Variants in WDR59 observed in about 807,000 individuals in gnomAD.
The protein encoded by WDR59 is GATOR2 complex protein WDR59.
In WDR59, 100 loss-of-function variants were observed where a neutral mutation model predicts 131.2. The observed-to-expected ratio is 0.76, with a 90% CI of 0.65 to 0.90. WDR59 has a LOEUF of 0.90. WDR59 is among the 40% of genes least tolerant of loss of function. The pLI is 0.00. For missense variants in WDR59, 1,203 were observed against 1,262.2 expected (o/e 0.95, Z 0.71); for synonymous variants, 601 against 466.2 (o/e 1.29, Z -3.72).
intron 17 of WDR59, among the ~76,000 whole-genome samples, chr16:74,906,541 G>C (rs1028735195): frequency 2.6e-5 from 4 of 152,008 alleles, no homozygotes; most frequent in African/African-American, 9.7e-5. Context: ...CTCAGGTGCA[G>C]AAATTAATAT....
chr16:74,897,964 G>A (rs72798622), intron 18 of WDR59, among the ~76,000 whole-genome samples: 38,992 of 152,016 alleles, frequency 0.26, 5,299 homozygotes, highest in African/African-American at 0.29. Flanking sequence ...CTCAAATCAG[G>A]TCAGATACTA....
At chr16:74,918,122 T>C (rs2144980809) in intron 10 of WDR59, 114 bp from the exon 11 acceptor site, 1 of 957,350 alleles carries the variant, frequency 1.0e-6, no homozygotes, top group Non-Finnish European at 1.6e-6. Context: ...TACTGAACAT[T>C]TCTCATATGC....
At chr16:74,949,925 T>G (rs2032896095) in intron 4 of WDR59, 127 bp from the exon 5 acceptor site, 1 of 862,526 alleles carries the variant, frequency 1.2e-6, no homozygotes, top group Non-Finnish European at 1.9e-6. Context: ...TAATGTGGTT[T>G]AGGCTGAGAA....
chr16:74,982,748 TG>T (rs913353096), intron 1 of WDR59, among the ~76,000 whole-genome samples: 12 of 152,166 alleles, frequency 7.9e-5, no homozygotes, highest in African/African-American at 2.4e-4. Flanking sequence ...TGACAGTACT[TG>T]GGGGTCCTTA....
chr16:74,905,013 C>T (rs986865111), intron 17 of WDR59, among the ~76,000 whole-genome samples: 2 of 152,246 alleles, frequency 1.3e-5, no homozygotes, highest in Non-Finnish European at 2.9e-5. Flanking sequence ...AAATGGATCA[C>T]AGACCTCAAA....
chr16:74,916,462 C>A (rs780803801), intron 11 of WDR59, among the ~76,000 whole-genome samples: 5 of 152,150 alleles, frequency 3.3e-5, no homozygotes, highest in South Asian at 2.1e-4. Context: ...TTATTCAACA[C>A]TGGAAATTTT....
intron 1 of WDR59, among the ~76,000 whole-genome samples, chr16:74,978,237 G>A (rs1227527241): frequency 6.7e-5 from 10 of 149,110 alleles, no homozygotes; most frequent in African/African-American, 9.9e-5. Flanking sequence ...GCAGAGAATC[G>A]CTTGAACTCA....
At chr16:74,964,921 G>T (rs138071668) in intron 2 of WDR59, among the ~76,000 whole-genome samples, 1,922 of 152,190 alleles carry the variant, frequency 0.013, 55 homozygotes, top group African/African-American at 0.044. Flanking sequence ...AAAATGAGCT[G>T]GGCGTGGTGG....
chr16:74,885,350 C>G (rs552341751), intron 25 of WDR59, among the ~76,000 whole-genome samples: 25 of 134,880 alleles, frequency 1.9e-4, no homozygotes, highest in African/African-American at 6.7e-4. Context: ...ACTCGGGAGG[C>G]TTAGGGAGGA....
intron 3 of WDR59, among the ~76,000 whole-genome samples, chr16:74,952,134 G>C (rs746785872): frequency 2.0e-5 from 3 of 151,920 alleles, no homozygotes; most frequent in Non-Finnish European, 4.4e-5. Flanking sequence ...TGGGTCCCGT[G>C]TCACTTTAAA....
chr16:74,952,022 G>A (rs888864693), intron 3 of WDR59, among the ~76,000 whole-genome samples: 1 of 149,666 alleles, frequency 6.7e-6, no homozygotes, highest in Non-Finnish European at 1.5e-5. Context: ...GATCTACATT[G>A]CCCACGCTTT....
chr16:74,981,660 A>ATTTTT (rs1181233727), intron 1 of WDR59, among the ~76,000 whole-genome samples: 2 of 80,860 alleles, frequency 2.5e-5, no homozygotes, highest in Admixed American at 1.6e-4. Flanking sequence ...ATATATATAT[A>ATTTTT]TTTTTTTTTT....
intron 8 of WDR59, among the ~76,000 whole-genome samples, chr16:74,926,162 C>T (rs1396797731): frequency 1.3e-5 from 2 of 150,398 alleles, no homozygotes; most frequent in Non-Finnish European, 2.9e-5. Flanking sequence ...CAGGTTCAAG[C>T]GATTCTCCTG....
At chr16:74,881,384 G>C (rs1964474867) in intron 25 of WDR59, among the ~76,000 whole-genome samples, 1 of 151,072 alleles carries the variant, frequency 6.6e-6, no homozygotes, top group Admixed American at 6.6e-5. Flanking sequence ...TTTAGAGACA[G>C]TTTCTCCATG....
chr16:74,942,426 TGTTA>T (rs1309862529), intron 7 of WDR59, among the ~76,000 whole-genome samples: 2 of 152,148 alleles, frequency 1.3e-5, no homozygotes, highest in African/African-American at 2.4e-5. Context: ...ACACACACAC[TGTTA>T]GTGTCTTTAT....
chr16:74,949,711 T>C lies in WDR59; in HGVS notation c.407+7A>G. Reference sequence around the variant, plus strand: ...ACCAAGTGGTTATGCCTCCTAATTGTTCTTACTTGATATCCCAAATGTAGA... The same window carrying C: ...ACCAAGTGGTTATGCCTCCTAATTGCTCTTACTTGATATCCCAAATGTAGA... On this transcript the variant is annotated splice_region_variant and intron_variant, in intron 5 of 25. Coordinates refer to ENST00000262144, the MANE Select transcript of WDR59 (RefSeq NM_030581.4). 1 of 1,613,402 alleles carries C rather than the reference T, an allele frequency of 6.2e-7. No homozygotes were observed. The highest frequency in any genetic ancestry group is 1.7e-5 in the Admixed American group (1 of 59,986).
At chr16:74,957,693 C>A (rs538869670) in intron 2 of WDR59, among the ~76,000 whole-genome samples, 1 of 152,262 alleles carries the variant, frequency 6.6e-6, no homozygotes, top group East Asian at 1.9e-4. Flanking sequence ...AAGTAAAATA[C>A]CCTTGGTGTG....
At chr16:74,875,953 G>A (rs780278055) in intron 25 of WDR59, among the ~76,000 whole-genome samples, 3 of 151,986 alleles carry the variant, frequency 2.0e-5, no homozygotes, top group Admixed American at 6.6e-5. Flanking sequence ...TGGTGACTTC[G>A]GGCCTCCACC....
intron 25 of WDR59, among the ~76,000 whole-genome samples, chr16:74,877,607 C>T (rs149162718): frequency 0.018 from 2,693 of 152,228 alleles, 60 homozygotes; most frequent in African/African-American, 0.058. Flanking sequence ...TGCAATGGTG[C>T]GATCTCAGCT....
Sources: allele counts gnomAD v4.1 joint callset (sites outside exome capture counted in the v4.1 genomes callset), GRCh38; gene constraint gnomAD v4.1.1; transcripts MANE v1.5; gene names NCBI Gene and HGNC (gene_info 2026-07-23, HGNC 2026-07-21).